Variants in CADPS observed in about 807,000 individuals in gnomAD.
The protein encoded by CADPS is calcium dependent secretion activator.
CADPS carries 57 observed loss-of-function variants against 167.3 expected under a neutral mutation model. The observed-to-expected ratio is 0.34, with a 90% CI of 0.28 to 0.42. The LOEUF is 0.42. CADPS is among the 20% of genes least tolerant of loss of function. The pLI is 1.00. For missense variants in CADPS, 1,414 were observed against 1,738.1 expected (o/e 0.81, Z 3.32); for synonymous variants, 676 against 635.3 (o/e 1.06, Z -0.96).
At chr3:62,732,275 T>G (rs2078054580) in intron 3 of CADPS, among the ~76,000 whole-genome samples, 1 of 152,220 alleles carries the variant, frequency 6.6e-6, no homozygotes, top group Non-Finnish European at 1.5e-5. Flanking sequence ...CTGTGACTGC[T>G]GTACTGCAAA....
intron 3 of CADPS, among the ~76,000 whole-genome samples, chr3:62,697,025 C>T (rs891156426): frequency 2.6e-5 from 4 of 152,096 alleles, no homozygotes; most frequent in Non-Finnish European, 4.4e-5. Context: ...TCAAATATAT[C>T]CGCTTTGGAG....
intron 28 of CADPS, 55 bp from the exon 29 acceptor site, chr3:62,403,240 C>T: frequency 8.3e-7 from 1 of 1,202,160 alleles, no homozygotes; most frequent in Non-Finnish European, 1.2e-6. Context: ...ATTTATAGGG[C>T]AGAGAGAGAG....
intron 13 of CADPS, among the ~76,000 whole-genome samples, chr3:62,522,230 A>G (rs1222833338): frequency 6.6e-6 from 1 of 152,030 alleles, no homozygotes; most frequent in Non-Finnish European, 1.5e-5. Flanking sequence ...TTGACATCTC[A>G]AGCTCAAGCG....
At chr3:62,735,739 A>G (rs982346629) in intron 3 of CADPS, among the ~76,000 whole-genome samples, 6 of 152,196 alleles carry the variant, frequency 3.9e-5, no homozygotes, top group Non-Finnish European at 2.9e-5. Context: ...TTATATCCTT[A>G]AAAGGAAGCA....
At chr3:62,732,712 A>C (rs1251519671) in intron 3 of CADPS, among the ~76,000 whole-genome samples, 1 of 152,218 alleles carries the variant, frequency 6.6e-6, no homozygotes, top group Non-Finnish European at 1.5e-5. Flanking sequence ...GCACTCTCAT[A>C]AACTCATAGA....
chr3:62,653,399 A>G (rs113492579), intron 4 of CADPS, among the ~76,000 whole-genome samples: 7,668 of 152,186 alleles, frequency 0.05, 636 homozygotes, highest in African/African-American at 0.17. Flanking sequence ...ACTGAATCTG[A>G]TGGTGGCTTG....
intron 28 of CADPS, among the ~76,000 whole-genome samples, chr3:62,426,342 G>A (rs996773992): frequency 7.9e-5 from 12 of 152,092 alleles, no homozygotes; most frequent in African/African-American, 2.9e-4. Flanking sequence ...GTAGAGATGA[G>A]GTTTCACCAT....
rs199947667 is a variant in CADPS, at chr3:62,592,629, G to T, written c.1437+8C>A. The T allele has an allele frequency of 8.7e-6, 14 of 1,608,242 alleles. No homozygotes were observed. In the East Asian group the frequency reaches 2.9e-4, roughly 33 times the overall value. On this transcript the variant is annotated splice_region_variant and intron_variant, in intron 7 of 29. Transcript: ENST00000383710. ...TGTGGAGTTCCCCTTGTGATAAGAA[G>T]TGCTTACCCGCCCAAGCTCCTTGTC...
chr3:62,533,707 T>C lies in CADPS; in HGVS notation c.2104-649A>G, dbSNP rs140438027. Among the ~76,000 whole-genome samples the C allele has an allele frequency of 1.7e-3, 259 of 152,294 alleles. 1 individual carries two copies. The highest frequency in any genetic ancestry group is 5.2e-3 in the African/African-American group (217 of 41,566). ...AAATTTTAGGGTTGATCTACATACA[T>C]GCCAGGACTTCATAAATCCTTTCAC... On this transcript the variant is annotated intron_variant, in intron 12 of 29. Transcript: ENST00000383710.
chr3:62,487,469 G>A (rs771527782), intron 21 of CADPS, among the ~76,000 whole-genome samples: 1 of 152,184 alleles, frequency 6.6e-6, no homozygotes, highest in East Asian at 1.9e-4. Context: ...CCATGAGAGG[G>A]CCATGGGCTC....
Position 62,459,778 on chromosome 3 carries a change from G to C in CADPS, c.3636+5589C>G, listed in dbSNP as rs957053478. Among the ~76,000 whole-genome samples, 3 of 152,180 alleles carry C rather than the reference G, an allele frequency of 2.0e-5. No individual in the cohort carries two copies. The East Asian group carries it at 5.8e-4, about 29-fold the overall frequency. ...ATCTTATCCATTGCTAACCCCCCCA[G>C]TGTCTAGCACATAGTAGGCACTCCA... On this transcript the variant is annotated intron_variant, in intron 26 of 29. Transcript: ENST00000383710.
At chr3:62,692,437 T>G (rs895911102) in intron 3 of CADPS, among the ~76,000 whole-genome samples, 1 of 152,058 alleles carries the variant, frequency 6.6e-6, no homozygotes. Flanking sequence ...TTCTTTCCCA[T>G]GAACCTCAGA....
chr3:62,617,041 G>T (rs1193889945), intron 6 of CADPS, among the ~76,000 whole-genome samples: 1 of 152,122 alleles, frequency 6.6e-6, no homozygotes, highest in African/African-American at 2.4e-5. Flanking sequence ...AACATTAATT[G>T]ATAATCTACT....
intron 1 of CADPS, among the ~76,000 whole-genome samples, chr3:62,769,273 C>T (rs1181159115): frequency 6.6e-6 from 1 of 151,754 alleles, no homozygotes; most frequent in Non-Finnish European, 1.5e-5. Flanking sequence ...TCACTGTTGC[C>T]CAGGCTGGAG....
intron 3 of CADPS, among the ~76,000 whole-genome samples, chr3:62,719,871 G>A (rs1434794664): frequency 1.3e-5 from 2 of 152,156 alleles, no homozygotes; most frequent in African/African-American, 4.8e-5. Flanking sequence ...ACTACTTCTG[G>A]CCTATGAGTT....
intron 6 of CADPS, among the ~76,000 whole-genome samples, chr3:62,634,864 T>C (rs1017889776): frequency 6.6e-6 from 1 of 152,140 alleles, no homozygotes; most frequent in African/African-American, 2.4e-5. Flanking sequence ...AGGCACAGTG[T>C]TTATAGCACA....
intron 3 of CADPS, among the ~76,000 whole-genome samples, chr3:62,685,480 C>G (rs972859665): frequency 6.6e-6 from 1 of 151,890 alleles, no homozygotes; most frequent in African/African-American, 2.4e-5. Flanking sequence ...CAGACTAATC[C>G]TAACGTTTCA....
At chr3:62,475,605 A>AC (rs1553787380) in intron 23 of CADPS, among the ~76,000 whole-genome samples, 3 of 149,266 alleles carry the variant, frequency 2.0e-5, no homozygotes, top group African/African-American at 4.9e-5. Flanking sequence ...AAAAAAAAAA[A>AC]AAAAAAACAC....
chr3:62,653,521 T>C (rs2070766246), intron 4 of CADPS, among the ~76,000 whole-genome samples: 1 of 152,204 alleles, frequency 6.6e-6, no homozygotes, highest in Admixed American at 6.5e-5. Flanking sequence ...GTTATAATTA[T>C]AATTAATCAA....
Sources: allele counts gnomAD v4.1 joint callset (sites outside exome capture counted in the v4.1 genomes callset), GRCh38; gene constraint gnomAD v4.1.1; transcripts MANE v1.5; gene names NCBI Gene and HGNC (gene_info 2026-07-23, HGNC 2026-07-21).